Variants in ADGRG5 observed in about 807,000 individuals in gnomAD.
ADGRG5 encodes G protein-coupled receptor 114.
ADGRG5 carries 37 observed loss-of-function variants against 53.2 expected under a neutral mutation model. That is an observed-to-expected ratio of 0.70 (90% CI 0.53 to 0.91). The LOEUF (loss-of-function observed/expected upper bound fraction) is 0.91, where lower values mean the gene tolerates loss of function less well. ADGRG5 is among the 40% of genes least tolerant of loss of function. The pLI, the probability that ADGRG5 is intolerant of heterozygous loss-of-function variation, is 0.00. For missense variants in ADGRG5, 614 were observed against 675.8 expected (o/e 0.91, Z 1.01); for synonymous variants, 277 against 290.4 (o/e 0.95, Z 0.47).
intron 1 of ADGRG5, among the ~76,000 whole-genome samples, chr16:57,556,908 C>CTTTTTTTTTTTTTTT (rs35948606): frequency 3.5e-4 from 40 of 115,744 alleles, no homozygotes; most frequent in African/African-American, 1.4e-3. Flanking sequence ...TTGCCTTCTT[C>CTTTTTTTTTTTTTTT]TTTTTTTTTT....
intron 1 of ADGRG5, among the ~76,000 whole-genome samples, chr16:57,556,054 G>A (rs1461660061): frequency 6.6e-6 from 1 of 152,170 alleles, no homozygotes; most frequent in Non-Finnish European, 1.5e-5. Flanking sequence ...CCCCAGCCAT[G>A]CCTGTGGAAC....
At chr16:57,539,454 CT>C (rs35729717), upstream of ADGRG5, among the ~76,000 whole-genome samples, 391 of 141,496 alleles carry the variant, frequency 2.8e-3, no homozygotes, top group African/African-American at 8.6e-3. Flanking sequence ...CACTGTACCC[CT>C]TTTTTTTTTT....
At position 57,566,900 on chromosome 16, in the gene ADGRG5, C is replaced by G; in HGVS notation, c.699+149C>G. On this transcript the variant is annotated intron_variant, in intron 7 of 11. Transcript: ENST00000349457. ...AAAAAAACTTTATGGACTCATGTTT[C>G]TGGAAAGGCTGGGTTAGGCTTCAGG... The G allele has an allele frequency of 7.5e-6, 5 of 665,390 alleles. No homozygotes were observed. The South Asian group carries it at 1.6e-4, about 21-fold the overall frequency. 41.2% of individuals were successfully genotyped at this position (665,390 alleles called of 1,614,324 possible). A position where few individuals can be genotyped will look rare whatever the true frequency, so the allele number is the denominator to read the frequency against.
Position 57,575,092 on chromosome 16 carries a change from G to C in ADGRG5, c.1486G>C (p.Gly496Arg), listed in dbSNP as rs146406891. Residue 496 changes from glycine (G) to arginine (R), a missense_variant and splice_region_variant, in exon 11 of 12, where the codon GGT becomes CGT. Gly to Arg is a moderately radical substitution (Grantham distance 125). Coordinates refer to ENST00000349457, the MANE Select transcript of ADGRG5 (RefSeq NM_001304376.3). ...FLFTILNSLYGFFLFLWFCSQ... is the reference protein window; with the variant it reads ...FLFTILNSLYRFFLFLWFCSQ... ...CTTCACCATCTTAAACTCGCTCTAC[G>C]GTAGGGCTGGAGGGCGGCCTGGAGG... 4 of 1,610,062 alleles carry C rather than the reference G, an allele frequency of 2.5e-6. No homozygotes were observed. Among genetic ancestry groups the C allele is most frequent in the Admixed American group, 1.7e-5 (1 of 59,854 alleles).
chr16:57,540,790 GT>G (rs1209525125), upstream of ADGRG5, among the ~76,000 whole-genome samples: 17 of 152,258 alleles, frequency 1.1e-4, no homozygotes, highest in Admixed American at 6.5e-4. Flanking sequence ...CTGGTTTTTT[GT>G]TTGTTCGTTT....
At chr16:57,535,465 A>G in the ADGRG5 span, among the ~76,000 whole-genome samples, 4 of 152,186 alleles carry the variant, frequency 2.6e-5, no homozygotes, top group Admixed American at 6.5e-5. Context: ...CAGCAAGGCC[A>G]GAGTAGGGAG....
chr16:57,562,178 T>C (rs554809963), intron 2 of ADGRG5, 21 bp downstream of exon 2: 15 of 1,586,358 alleles, frequency 9.5e-6, no homozygotes, highest in Middle Eastern at 1.7e-4. Context: ...TCTGCTGAAC[T>C]GGGGGCAGCC....
At position 57,570,437 on chromosome 16, in the gene ADGRG5, G is replaced by T. The variant is rs1407651699; in HGVS notation, c.1110G>T (p.Val370=). Residue 370 remains valine (V), a synonymous_variant, in exon 10 of 12, where the codon GTG becomes GTT. Transcript: ENST00000349457. ...CCTCAGGGGCCCCAGCCCTCCTGGT[G>T]CTGCTTTCCCTCTCTGTCAAGAGCT... ...VLGWGAPALL[V]LLSLSVKSSV... The T allele has an allele frequency of 3.7e-6, 6 of 1,612,778 alleles. No individual in the cohort carries two copies. The highest frequency in any genetic ancestry group is 5.1e-6 in the Non-Finnish European group (6 of 1,179,872).
intron 1 of ADGRG5, among the ~76,000 whole-genome samples, chr16:57,557,066 T>C (rs1331258731): frequency 2.0e-5 from 3 of 152,002 alleles, no homozygotes; most frequent in African/African-American, 7.3e-5. Flanking sequence ...CATGCCACCA[T>C]GCCTGACTAA....
In ADGRG5 at chr16:57,547,547, C is replaced by T. The variant is rs373508279; in HGVS notation, c.-39+4846C>T. On this transcript the variant is annotated intron_variant, in intron 1 of 11. Coordinates refer to ENST00000349457, the MANE Select transcript of ADGRG5 (RefSeq NM_001304376.3). ...GCAACCTCCGCCTACTGGGTTCAAG[C>T]GATTCTCCTGCCTCAGCCTCCTGAG... Among the ~76,000 whole-genome samples, 16 of 152,282 alleles carry T rather than the reference C, an allele frequency of 1.1e-4. No homozygotes were observed. In the East Asian group the frequency reaches 2.7e-3, roughly 26 times the overall value.
intron 6 of ADGRG5, 116 bp from the exon 7 acceptor site, chr16:57,566,483 G>A: frequency 1.1e-6 from 1 of 928,088 alleles, no homozygotes; most frequent in Non-Finnish European, 1.5e-6. Flanking sequence ...GCCAGCCAGT[G>A]CCTGGTAAAA....
chr16:57,561,190 C>T lies in ADGRG5; in HGVS notation c.-38-866C>T, dbSNP rs2032992056. 3.9e-5 allele frequency among the ~76,000 whole-genome samples: 6 copies of T among 152,228 alleles called. No homozygotes were observed. The South Asian group carries it at 1.2e-3, about 31-fold the overall frequency. On this transcript the variant is annotated intron_variant, in intron 1 of 11. Transcript: ENST00000349457. ...GGCTTCTCCTTGTCTCCTGCCAACA[C>T]CACACCTCTCCCCACTGCAGGCACT...
At position 57,563,892 on chromosome 16, in the gene ADGRG5, C is replaced by G. The variant is rs768167624; in HGVS notation, c.342C>G (p.Pro114=). The G allele has an allele frequency of 1.2e-6, 2 of 1,614,006 alleles. No individual in the cohort carries two copies. Among genetic ancestry groups the G allele is most frequent in the South Asian group, 2.2e-5 (2 of 91,056 alleles). ...GGGGTCAGCACGCCATGCAGTTCCCCGCCGAGCTGACCCGGGACGCCTGCA... is the reference window on the plus strand; with the variant it reads ...GGGGTCAGCACGCCATGCAGTTCCCGGCCGAGCTGACCCGGGACGCCTGCA... The part of the protein sequence containing the change: ...HARGQHAMQF[P]AELTRDACKT... Residue 114 remains proline, a synonymous_variant, in exon 5 of 12, where the codon CCC becomes CCG. Coordinates refer to ENST00000349457, the MANE Select transcript of ADGRG5 (RefSeq NM_001304376.3).
intron 1 of ADGRG5, among the ~76,000 whole-genome samples, chr16:57,555,281 G>A (rs1364565574): frequency 6.6e-6 from 1 of 152,146 alleles, no homozygotes; most frequent in Non-Finnish European, 1.5e-5. Flanking sequence ...TGTCATGGGA[G>A]GGACTGATGG....
intron 1 of ADGRG5, among the ~76,000 whole-genome samples, chr16:57,556,315 T>C (rs1396534475): frequency 6.6e-6 from 1 of 152,228 alleles, no homozygotes; most frequent in Non-Finnish European, 1.5e-5. Flanking sequence ...TGTAATTATT[T>C]ATATGATTGG....
the ADGRG5 span, among the ~76,000 whole-genome samples, chr16:57,532,764 C>T: frequency 6.6e-6 from 1 of 152,160 alleles, no homozygotes; most frequent in Admixed American, 6.5e-5. Flanking sequence ...CCTCCTTTTC[C>T]TGGCCTAGCT....
chr16:57,535,263 G>A, the ADGRG5 span, among the ~76,000 whole-genome samples: 1 of 152,222 alleles, frequency 6.6e-6, no homozygotes, highest in South Asian at 2.1e-4. Context: ...GAAAGGAAGG[G>A]ATGGCGGCTA....
Position 57,565,072 on chromosome 16 carries a change from G to A in ADGRG5, c.468G>A (p.Leu156=). 2 of 1,613,448 alleles carry A rather than the reference G, an allele frequency of 1.2e-6. No homozygotes were observed. The change falls in exon 6 of 12, where the codon CTG becomes CTA. Residue 156 remains leucine, a synonymous_variant. Coordinates refer to ENST00000349457, the MANE Select transcript of ADGRG5 (RefSeq NM_001304376.3). ...NNSSLLNNYV[L]GAQLSHGHVN... ...CATCTCTGCTGAATAACTACGTCCT[G>A]GGGGCCCAGCTGAGTCATGGGCACG...
intron 11 of ADGRG5, 52 bp from the exon 12 acceptor site, chr16:57,575,386 G>A (rs2033487808): frequency 6.5e-7 from 1 of 1,544,676 alleles, no homozygotes; most frequent in African/African-American, 1.4e-5. Flanking sequence ...GGAGACCCTG[G>A]CCTTTGGGGA....
Sources: gnomAD v4.1 joint callset for allele counts (sites outside exome capture counted in the v4.1 genomes callset) on GRCh38, gnomAD v4.1.1 for gene constraint, MANE v1.5 for transcripts, NCBI Gene and HGNC (gene_info 2026-07-23, HGNC 2026-07-21) for gene names.